VPS53: variants seen among roughly 807,000 people sequenced by gnomAD.
VPS53 encodes VPS53 subunit of GARP complex.
Under a neutral mutation model 107.0 loss-of-function variants are expected in VPS53, and 70 were observed. The ratio of observed to expected loss-of-function variants is 0.65; its 90% CI spans 0.54 to 0.80. The LOEUF (loss-of-function observed/expected upper bound fraction) is 0.80. Among genes scored for constraint, VPS53 ranks in the 30% least tolerant of loss-of-function variants. VPS53 has a pLI of 0.00. For synonymous variants in VPS53, 409 were observed against 393.3 expected, an observed-to-expected ratio of 1.04 and a Z score of -0.47; for missense variants, 917 against 1,049.4, an observed-to-expected ratio of 0.87 and a Z score of 1.74.
At chr17:643,657 C>A (rs1475225881) in intron 7 of VPS53, among the ~76,000 whole-genome samples, 1 of 151,902 alleles carries the variant, frequency 6.6e-6, no homozygotes, top group African/African-American at 2.4e-5. Context: ...AAAGCGAGGA[C>A]AACACTCATA....
chr17:562,705 TGAAATCAGCCACAAACC>T lies in VPS53; in HGVS notation c.1337_1353del (p.Arg446GlnfsTer7). 1 of 1,613,698 alleles carries T rather than the reference TGAAATCAGCCACAAACC, an allele frequency of 6.2e-7. No homozygotes were observed. Among genetic ancestry groups the T allele is most frequent in the Non-Finnish European group, 8.5e-7 (1 of 1,179,946 alleles). ...TTGGGCTTAGGTGGCCCCTGGGCTT[TGAAATCAGCCACAAACC>T]GATCTATCAGCTCTCCGAGGTTCCT... On this transcript the variant is annotated frameshift_variant, in exon 14 of 22. Transcript: ENST00000437048. LOFTEE classifies it high-confidence loss of function.
At chr17:531,371 G>A (rs983810570) in intron 19 of VPS53, among the ~76,000 whole-genome samples, 6 of 152,308 alleles carry the variant, frequency 3.9e-5, no homozygotes, top group Non-Finnish European at 7.3e-5. Context: ...ACCTCAAAAC[G>A]GAAGTAAACA....
At chr17:582,900 T>G (rs574672323) in intron 13 of VPS53, among the ~76,000 whole-genome samples, 4 of 149,066 alleles carry the variant, frequency 2.7e-5, no homozygotes, top group Non-Finnish European at 4.4e-5. Flanking sequence ...CAGGACCTAA[T>G]GCGTTCCCAG....
In VPS53 at chr17:512,131, G is replaced by C. The variant is rs976981247; in HGVS notation, c.*6997C>G. On this transcript the variant is annotated 3_prime_UTR_variant, in exon 22 of 22. Coordinates refer to ENST00000437048, the MANE Select transcript of VPS53 (RefSeq NM_001128159.3). ...GGCAAAGACCAGATATGCGGAGCTC[G>C]CTGCGGATGTAGCCTGCACACGGCC... 1.4e-4 allele frequency: 22 copies of C among 152,158 alleles called. No individual in the cohort carries two copies. Among genetic ancestry groups the C allele is most frequent in the African/African-American group, 5.3e-4 (22 of 41,430 alleles). 9.4% of individuals were successfully genotyped at this position (152,158 alleles called of 1,614,324 possible).
Position 583,991 on chromosome 17 carries a change from CA to C in VPS53, c.1313+2278del, listed in dbSNP as rs1317028151. On this transcript the variant is annotated intron_variant, in intron 13 of 21. Transcript: ENST00000437048. Reference sequence around the variant, plus strand: ...TAATGCGTTCCCAGGGAACCTCCCTCAGGACCTAATATGTTCCCAGATAACT... The same window carrying C: ...TAATGCGTTCCCAGGGAACCTCCCTCGGACCTAATATGTTCCCAGATAACT... 2.0e-5 allele frequency among the ~76,000 whole-genome samples: 3 copies of C among 152,188 alleles called. No individual in the cohort carries two copies. In the East Asian group the frequency reaches 5.8e-4, roughly 29 times the overall value.
chr17:612,185 A>C (rs1272344367), intron 11 of VPS53, among the ~76,000 whole-genome samples: 1 of 151,350 alleles, frequency 6.6e-6, no homozygotes, highest in African/African-American at 2.4e-5. Flanking sequence ...GAGTTCACAC[A>C]GTGAAAACCT....
At chr17:553,935 A>AG (rs1018079058) in intron 15 of VPS53, among the ~76,000 whole-genome samples, 11 of 152,210 alleles carry the variant, frequency 7.2e-5, no homozygotes, top group African/African-American at 1.4e-4. Context: ...AGAAAAATAG[A>AG]GGGGGGGCCT....
chr17:658,910 C>T (rs892222365), intron 5 of VPS53, among the ~76,000 whole-genome samples: 1 of 152,112 alleles, frequency 6.6e-6, no homozygotes, highest in African/African-American at 2.4e-5. Flanking sequence ...ACCTGCACAG[C>T]TCAATTCCAC....
chr17:588,045 C>A (rs1003748155), intron 12 of VPS53, among the ~76,000 whole-genome samples: 6 of 152,164 alleles, frequency 3.9e-5, no homozygotes, highest in African/African-American at 1.4e-4. Flanking sequence ...TTGCTGGGCA[C>A]GGTGGCTCAC....
chr17:680,745 G>A (rs145541613), intron 4 of VPS53, among the ~76,000 whole-genome samples: 2 of 152,316 alleles, frequency 1.3e-5, no homozygotes, highest in East Asian at 3.9e-4. Flanking sequence ...GCTTAAAATA[G>A]TGCCAACCAC....
At chr17:603,849 G>A (rs953797281) in intron 11 of VPS53, among the ~76,000 whole-genome samples, 2 of 152,144 alleles carry the variant, frequency 1.3e-5, no homozygotes, top group Non-Finnish European at 2.9e-5. Context: ...GTAATAAAGG[G>A]AATCTACCAA....
chr17:711,957 C>A (rs7225460), intron 1 of VPS53, among the ~76,000 whole-genome samples: 268 of 152,062 alleles, frequency 1.8e-3, no homozygotes, highest in African/African-American at 6.2e-3. Context: ...GGTGGGACTA[C>A]AGGCGCTCGC....
intron 4 of VPS53, among the ~76,000 whole-genome samples, chr17:692,872 G>A (rs1449932481): frequency 1.4e-5 from 2 of 143,352 alleles, no homozygotes; most frequent in East Asian, 2.1e-4. Context: ...ATGGTGGTGC[G>A]CACCTGTAAT....
At chr17:653,130 G>A (rs748149494) in intron 7 of VPS53, 161 bp downstream of exon 7, 9 of 985,330 alleles carry the variant, frequency 9.1e-6, no homozygotes, top group African/African-American at 1.7e-5. Flanking sequence ...TGCCGGATCT[G>A]TGGAATCCCC....
At chr17:713,034 C>A (rs1220168711) in intron 1 of VPS53, among the ~76,000 whole-genome samples, 1 of 152,128 alleles carries the variant, frequency 6.6e-6, no homozygotes, top group Non-Finnish European at 1.5e-5. Flanking sequence ...AGTAATCCAA[C>A]CACTACTGGA....
chr17:565,956 C>A (rs1200991218), intron 13 of VPS53, among the ~76,000 whole-genome samples: 2 of 152,174 alleles, frequency 1.3e-5, no homozygotes, highest in Non-Finnish European at 2.9e-5. Context: ...GTAATCCCAG[C>A]ACTTTGGGAG....
intron 17 of VPS53, among the ~76,000 whole-genome samples, chr17:550,045 AGG>A (rs1374534027): frequency 6.6e-6 from 1 of 152,218 alleles, no homozygotes; most frequent in South Asian, 2.1e-4. Context: ...TCCTGACAAG[AGG>A]GAGAGGGAAC....
intron 4 of VPS53, among the ~76,000 whole-genome samples, chr17:685,877 T>C (rs1359687303): frequency 6.6e-6 from 1 of 152,040 alleles, no homozygotes; most frequent in Non-Finnish European, 1.5e-5. Flanking sequence ...CCAGACATGG[T>C]GACATGCACT....
chr17:579,347 C>A (rs1022560521), intron 13 of VPS53, among the ~76,000 whole-genome samples: 8 of 151,296 alleles, frequency 5.3e-5, no homozygotes, highest in African/African-American at 1.9e-4. Context: ...CAGAGAAATT[C>A]CCTCAGAACC....
Sources: gnomAD v4.1 joint callset for allele counts (sites outside exome capture counted in the v4.1 genomes callset) on GRCh38, gnomAD v4.1.1 for gene constraint, MANE v1.5 for transcripts, NCBI Gene and HGNC (gene_info 2026-07-23, HGNC 2026-07-21) for gene names.